Variants in CDADC1 observed in about 807,000 individuals in gnomAD.
The protein encoded by CDADC1 is dCTP deaminase.
In CDADC1, 39 loss-of-function variants were observed where a neutral mutation model predicts 54.9. That is an observed-to-expected ratio of 0.71 (90% confidence interval 0.55 to 0.93). The LOEUF (loss-of-function observed/expected upper bound fraction) is 0.93, where lower values mean the gene tolerates loss of function less well. Among genes scored for constraint, CDADC1 ranks in the 40% least tolerant of loss-of-function variants. The pLI is 0.00. For missense variants in CDADC1, 518 were observed against 618.8 expected (o/e 0.84, Z 1.73); for synonymous variants, 186 against 204.0 (o/e 0.91, Z 0.75).
intron 5 of CDADC1, among the ~76,000 whole-genome samples, chr13:49,268,425 C>T (rs1361839419): frequency 3.3e-5 from 5 of 152,100 alleles, no homozygotes; most frequent in African/African-American, 1.2e-4. Flanking sequence ...CTTTAGAAGG[C>T]TGAGACAGGA....
At chr13:49,285,723 C>T (rs1400616997) in intron 8 of CDADC1, among the ~76,000 whole-genome samples, 3 of 152,110 alleles carry the variant, frequency 2.0e-5, no homozygotes, top group East Asian at 3.8e-4. Context: ...TGATTCGGAT[C>T]CCAGAAGTTA....
intron 6 of CDADC1, among the ~76,000 whole-genome samples, chr13:49,275,267 G>A (rs1233975258): frequency 6.6e-6 from 1 of 151,748 alleles, no homozygotes; most frequent in African/African-American, 2.4e-5. Context: ...TGTATTTTTA[G>A]TAGAGATGGG....
chr13:49,247,981 CG>C lies in CDADC1; in HGVS notation c.-56del. 1 of 1,484,718 alleles carries C rather than the reference CG, an allele frequency of 6.7e-7. No individual in the cohort carries two copies. The highest frequency in any genetic ancestry group is 9.2e-7 in the Non-Finnish European group (1 of 1,087,042). 92.0% of individuals were successfully genotyped at this position (1,484,718 alleles called of 1,614,324 possible). A position where few individuals can be genotyped will look rare whatever the true frequency, so the allele number is the denominator to read the frequency against. ...AGGCGAGAGGCGGGGGCGCTAGGGC[CG>C]AGATCATGTCTGACTGGGAGAGGTT... On this transcript the variant is annotated 5_prime_UTR_variant, in exon 1 of 10. Transcript: ENST00000251108.
chr13:49,275,659 G>T (rs1415851700), intron 6 of CDADC1, among the ~76,000 whole-genome samples: 1 of 134,744 alleles, frequency 7.4e-6, no homozygotes, highest in East Asian at 2.3e-4. Flanking sequence ...AAAAGGCAAG[G>T]CTCAAACTGA....
chr13:49,279,237 C>G (rs751365381), intron 7 of CDADC1, among the ~76,000 whole-genome samples: 4 of 152,118 alleles, frequency 2.6e-5, no homozygotes, highest in Middle Eastern at 3.2e-3. Flanking sequence ...GGATATGAGA[C>G]GGCATCCACC....
At chr13:49,262,936 G>A (rs1436886385) in intron 4 of CDADC1, among the ~76,000 whole-genome samples, 2 of 152,166 alleles carry the variant, frequency 1.3e-5, no homozygotes, top group Admixed American at 6.5e-5. Flanking sequence ...GAAGGTCCTT[G>A]ATGAAACAGT....
At chr13:49,249,146 A>G (rs1170690334) in intron 2 of CDADC1, among the ~76,000 whole-genome samples, 181 bp downstream of exon 2, 1 of 152,226 alleles carries the variant, frequency 6.6e-6, no homozygotes, top group Non-Finnish European at 1.5e-5. Context: ...TTCCATTCTA[A>G]AAATACTTTC....
At chr13:49,281,923 C>T (rs1477522037) in intron 8 of CDADC1, among the ~76,000 whole-genome samples, 3 of 129,760 alleles carry the variant, frequency 2.3e-5, no homozygotes, top group Non-Finnish European at 4.9e-5. Flanking sequence ...ACCCCCACCC[C>T]CCTCCCCCCA....
At chr13:49,268,375 G>A (rs1952876872) in intron 5 of CDADC1, among the ~76,000 whole-genome samples, 1 of 152,092 alleles carries the variant, frequency 6.6e-6, no homozygotes, top group Non-Finnish European at 1.5e-5. Flanking sequence ...GAAGAGAAAG[G>A]AGAGGCCCAG....
At position 49,267,848 on chromosome 13, in the gene CDADC1, G is replaced by C. The variant is rs746394969; in HGVS notation, c.789G>C (p.Leu263=). 6.2e-7 allele frequency: 1 copy of C among 1,614,050 alleles called. No individual in the cohort carries two copies. The highest frequency in any genetic ancestry group is 8.5e-7 in the Non-Finnish European group (1 of 1,179,938). Residue 263 remains leucine, a synonymous_variant, in exon 5 of 10, where the codon CTG becomes CTC. Transcript: ENST00000251108. ...QILMTIGLEN[L]CENPYFSNLR... is the part of the protein sequence containing the mutation. ...TGATGACTATAGGTTTGGAGAACCT[G>C]TGTGAAAATCCATACTTTAGCAATC...
At chr13:49,285,816 ATT>A (rs144057270) in intron 8 of CDADC1, among the ~76,000 whole-genome samples, 109 of 144,546 alleles carry the variant, frequency 7.5e-4, no homozygotes, top group African/African-American at 2.0e-3. Context: ...TATTTTTTTA[ATT>A]TTTTTTTTTT....
Position 49,292,086 on chromosome 13 carries a change from A to C in CDADC1, c.*329A>C, listed in dbSNP as rs988395152. ...AATTTGAAAGGGTCTGCTTCACAAG[A>C]GGTCATGCCTCTGCAGGGAATCACA... On this transcript the variant is annotated 3_prime_UTR_variant, in exon 10 of 10. Transcript: ENST00000251108. 9.3e-7 allele frequency: 1 copy of C among 1,076,906 alleles called. No individual in the cohort carries two copies. The highest frequency in any genetic ancestry group is 1.1e-6 in the Non-Finnish European group (1 of 885,576). 66.7% of individuals were successfully genotyped at this position (1,076,906 alleles called of 1,614,324 possible).
At chr13:49,267,324 G>A (rs1952838344) in intron 4 of CDADC1, among the ~76,000 whole-genome samples, 166 bp from the exon 5 acceptor site, 1 of 152,090 alleles carries the variant, frequency 6.6e-6, no homozygotes, top group African/African-American at 2.4e-5. Flanking sequence ...GATTTGGCCT[G>A]TGGGTGGTAG....
Position 49,280,627 on chromosome 13 carries a change from G to C in CDADC1, c.1339G>C (p.Asp447His), listed in dbSNP as rs748017425. 20 of 1,602,032 alleles carry C rather than the reference G, an allele frequency of 1.2e-5. 1 individual carries two copies. Among genetic ancestry groups the C allele is most frequent in the Non-Finnish European group, 1.7e-5 (20 of 1,174,570 alleles). Reference sequence around the variant, plus strand: ...AAAACAAATCTATGCAGGAGATGTAGATGTTGGAAAAAAGAAGGCAGACAT... The same window carrying C: ...AAAACAAATCTATGCAGGAGATGTACATGTTGGAAAAAAGAAGGCAGACAT... ...GIKQIYAGDV[D>H]VGKKKADISY... The change falls in exon 8 of 10, where the codon GAT (aspartate) becomes CAT (histidine). Residue 447 changes from aspartate (D) to histidine (H), a missense_variant. Asp to His is a moderately conservative substitution (Grantham distance 81). Coordinates refer to ENST00000251108, the MANE Select transcript of CDADC1 (RefSeq NM_030911.4).
Position 49,248,196 on chromosome 13 carries a change from T to C in CDADC1, c.82+77T>C, listed in dbSNP as rs1952340673. On this transcript the variant is annotated intron_variant, in intron 1 of 9. Transcript: ENST00000251108. ...GCGTCTCCCGTCATTGAACTCCAGATTCCTTGTCTGAGCCTCTTTGCCTCC... is the reference window on the plus strand; with the variant it reads ...GCGTCTCCCGTCATTGAACTCCAGACTCCTTGTCTGAGCCTCTTTGCCTCC... The C allele has an allele frequency of 3.1e-6, 4 of 1,278,026 alleles. No homozygotes were observed. The Admixed American group carries it at 8.1e-5, about 26-fold the overall frequency. The allele number at this position is 1,278,026 out of a possible 1,614,324, so 79.2% of individuals were successfully genotyped here.
chr13:49,277,172 C>T (rs1312099059), intron 6 of CDADC1, among the ~76,000 whole-genome samples: 1 of 151,174 alleles, frequency 6.6e-6, no homozygotes, highest in African/African-American at 2.4e-5. Context: ...ATGAAATGAT[C>T]CATGTAAAAC....
At chr13:49,268,714 T>G (rs1461441449) in intron 5 of CDADC1, among the ~76,000 whole-genome samples, 1 of 152,186 alleles carries the variant, frequency 6.6e-6, no homozygotes, top group East Asian at 1.9e-4. Flanking sequence ...TGTTAACTCT[T>G]CAATATTTTG....
chr13:49,265,936 G>A, intron 4 of CDADC1: 2 of 1,302,670 alleles, frequency 1.5e-6, no homozygotes, highest in Non-Finnish European at 2.0e-6. Flanking sequence ...TGCTGGTTAG[G>A]AAATGGATTA....
At chr13:49,268,489 C>G (rs1205100103) in intron 5 of CDADC1, among the ~76,000 whole-genome samples, 1 of 151,958 alleles carries the variant, frequency 6.6e-6, no homozygotes, top group Non-Finnish European at 1.5e-5. Context: ...AGCAAGACCT[C>G]GACTCTAACA....
Sources: allele counts gnomAD v4.1 joint callset (sites outside exome capture counted in the v4.1 genomes callset), GRCh38; gene constraint gnomAD v4.1.1; transcripts MANE v1.5; gene names NCBI Gene and HGNC (gene_info 2026-07-23, HGNC 2026-07-21).